Variants in IRAK3 observed in about 807,000 individuals in gnomAD.
IRAK3 encodes interleukin-1 receptor-associated kinase 3.
A neutral mutation model predicts 56.6 loss-of-function variants in IRAK3; 57 were observed. The ratio of observed to expected loss-of-function variants is 1.01; its 90% CI spans 0.81 to 1.26. IRAK3 has a LOEUF of 1.26. Among genes scored for constraint, IRAK3 ranks in the 50% most tolerant of loss-of-function variants. IRAK3 has a pLI of 0.00. For missense variants in IRAK3, 703 were observed against 719.0 expected (o/e 0.98, Z 0.25); for synonymous variants, 258 against 255.7 (o/e 1.01, Z -0.09).
chr12:66,221,831 C>G (rs2052737072), intron 6 of IRAK3, among the ~76,000 whole-genome samples: 1 of 152,120 alleles, frequency 6.6e-6, no homozygotes, highest in Non-Finnish European at 1.5e-5. Flanking sequence ...GAGTTCAAGA[C>G]CAGCCTGGCC....
rs59511601 is a variant in IRAK3 at position 66,204,778 on chromosome 12, G to GCACACACA, written c.316+920_316+927dup. Reference sequence around the variant, plus strand: ...ATATTTAGTGCGCATGAGCCCTTGCGCACACACACACACACACACACACAC... The same window carrying GCACACACA: ...ATATTTAGTGCGCATGAGCCCTTGCGCACACACACACACACACACACACACACACACAC... On this transcript the variant is annotated intron_variant, in intron 2 of 11. Transcript: ENST00000261233. Among the ~76,000 whole-genome samples, 521 of 147,912 alleles carry GCACACACA rather than the reference G, an allele frequency of 3.5e-3. 3 individuals are homozygous for GCACACACA. Among genetic ancestry groups the GCACACACA allele is most frequent in the South Asian group, 5.7e-3 (26 of 4,582 alleles).
At chr12:66,191,611 T>C (rs530509624) in intron 1 of IRAK3, among the ~76,000 whole-genome samples, 1 of 152,278 alleles carries the variant, frequency 6.6e-6, no homozygotes, top group South Asian at 2.1e-4. Context: ...CCTGACCAGG[T>C]GCTGCACAAG....
chr12:66,232,829 T>A (rs2052857544), intron 8 of IRAK3, among the ~76,000 whole-genome samples: 2 of 152,192 alleles, frequency 1.3e-5, no homozygotes, highest in African/African-American at 4.8e-5. Flanking sequence ...GAAAAGGACA[T>A]CTCAAAATCT....
At chr12:66,216,983 T>C (rs2052683021) in intron 5 of IRAK3, among the ~76,000 whole-genome samples, 188 bp from the exon 6 acceptor site, 1 of 152,240 alleles carries the variant, frequency 6.6e-6, no homozygotes, top group African/African-American at 2.4e-5. Flanking sequence ...ACACTGGTTC[T>C]AGATCTCTTT....
Position 66,217,254 on chromosome 12 carries a change from G to T in IRAK3, c.653+19G>T. On this transcript the variant is annotated intron_variant, in intron 6 of 11. Coordinates refer to ENST00000261233, the MANE Select transcript of IRAK3 (RefSeq NM_007199.3). ...TACTACTGTGAGTATGTTTTCTCTG[G>T]AATTTCCTCCTCTTTGTGCCTGGGT... 6.4e-7 allele frequency: 1 copy of T among 1,565,288 alleles called. No individual in the cohort carries two copies. The highest frequency in any genetic ancestry group is 8.8e-7 in the Non-Finnish European group (1 of 1,135,670).
chr12:66,204,016 G>A (rs1280591160), intron 2 of IRAK3, 123 bp downstream of exon 2: 2 of 880,416 alleles, frequency 2.3e-6, no homozygotes, highest in East Asian at 5.2e-5. Flanking sequence ...CCTTACCTGT[G>A]GCTTTTATCT....
intron 6 of IRAK3, among the ~76,000 whole-genome samples, chr12:66,223,001 C>T (rs984797361): frequency 2.7e-5 from 4 of 149,756 alleles, no homozygotes; most frequent in African/African-American, 9.9e-5. Context: ...AGGAAAATTA[C>T]AGTCAAAGGG....
intron 6 of IRAK3, among the ~76,000 whole-genome samples, chr12:66,224,447 T>C: frequency 6.6e-6 from 1 of 152,110 alleles, no homozygotes. Context: ...AATGATAACT[T>C]GGGGGATGAG....
intron 1 of IRAK3, among the ~76,000 whole-genome samples, chr12:66,201,111 C>A (rs1224608979): frequency 6.6e-6 from 1 of 152,208 alleles, no homozygotes; most frequent in African/African-American, 2.4e-5. Flanking sequence ...GCCACCACGC[C>A]TGGACCCAAA....
intron 6 of IRAK3, among the ~76,000 whole-genome samples, chr12:66,222,553 C>A (rs369392856): frequency 2.0e-5 from 3 of 151,262 alleles, no homozygotes; most frequent in Admixed American, 1.3e-4. Flanking sequence ...TTATTTGAGG[C>A]CTCTCAAAAA....
chr12:66,247,986 A>T lies in IRAK3; in HGVS notation c.1606A>T (p.Ser536Cys). 1 of 1,606,534 alleles carries T rather than the reference A, an allele frequency of 6.2e-7. No homozygotes were observed. The highest frequency in any genetic ancestry group is 8.5e-7 in the Non-Finnish European group (1 of 1,177,052). Residue 536 changes from serine to cysteine, a missense_variant, in exon 12 of 12, where the codon AGT (serine) becomes TGT (cysteine). Physicochemically the swap from Ser to Cys is moderately radical, Grantham distance 112. Transcript: ENST00000261233. ...AAATGAGGAAGCTTGCAACATGCCCAGTTCTTCTTGTGAAGAAAGTTGGTT... is the reference window on the plus strand; with the variant it reads ...AAATGAGGAAGCTTGCAACATGCCCTGTTCTTCTTGTGAAGAAAGTTGGTT... ...KRNEEACNMP[S>C]SSCEESWFPK...
At chr12:66,245,393 A>C (rs1208401856) in intron 11 of IRAK3, 131 bp downstream of exon 11, 2 of 966,944 alleles carry the variant, frequency 2.1e-6, no homozygotes, top group Non-Finnish European at 1.6e-6. Flanking sequence ...GAATTCCAAC[A>C]TAATAGTGTT....
rs985259673 is a variant in IRAK3, at chr12:66,254,112, C to T, written c.*5941C>T. ...AGGAGTGAAAATTGGTAGAACCTTT[C>T]TAGAAGGCAATTTGGCAACATGTAT... On this transcript the variant is annotated 3_prime_UTR_variant, in exon 12 of 12. Coordinates refer to ENST00000261233, the MANE Select transcript of IRAK3 (RefSeq NM_007199.3). 6.6e-6 allele frequency: 1 copy of T among 152,068 alleles called. No homozygotes were observed. Among genetic ancestry groups the T allele is most frequent in the Non-Finnish European group, 1.5e-5 (1 of 68,000 alleles). The allele number at this position is 152,068 out of a possible 1,614,324, so 9.4% of individuals were successfully genotyped here. A position where few individuals can be genotyped will look rare whatever the true frequency, so the allele number is the denominator to read the frequency against.
At position 66,212,589 on chromosome 12, in the gene IRAK3, G is replaced by A. The variant is rs148343466; in HGVS notation, c.588+992G>A. 2.2e-3 allele frequency among the ~76,000 whole-genome samples: 342 copies of A among 152,270 alleles called. 2 individuals are homozygous for A. The highest frequency in any genetic ancestry group is 8.1e-3 in the African/African-American group (337 of 41,544). ...CCTCAAGGAGCTCACAGTCTCTCTGGTGAAATAGCCAGGAAAACAAAAGAT... is the reference window on the plus strand; with the variant it reads ...CCTCAAGGAGCTCACAGTCTCTCTGATGAAATAGCCAGGAAAACAAAAGAT... On this transcript the variant is annotated intron_variant, in intron 5 of 11. Transcript: ENST00000261233.
At position 66,244,997 on chromosome 12, in the gene IRAK3, A is replaced by C; in HGVS notation, c.1136A>C (p.Lys379Thr). Residue 379 changes from lysine (K) to threonine (T), a missense_variant, in exon 10 of 12, where the codon AAA becomes ACA. By Grantham distance (78) the Lys-to-Thr change is moderately conservative (BLOSUM62 -1). Transcript: ENST00000261233. ...TGCRVVLDDP[K>T]HIQLRDLLRE... ...TGTAGAGTAGTGTTAGATGATCCAAAACATATCCAGCTGGTAAGAATTGTT... is the reference window on the plus strand; with the variant it reads ...TGTAGAGTAGTGTTAGATGATCCAACACATATCCAGCTGGTAAGAATTGTT... 1.2e-6 allele frequency: 2 copies of C among 1,613,986 alleles called. No homozygotes were observed. Among genetic ancestry groups the C allele is most frequent in the Non-Finnish European group, 1.7e-6 (2 of 1,179,836 alleles).
intron 11 of IRAK3, 96 bp downstream of exon 11, chr12:66,245,358 T>G (rs939126931): frequency 7.7e-7 from 1 of 1,305,772 alleles, no homozygotes; most frequent in East Asian, 2.3e-5. Flanking sequence ...TATTTGTTAA[T>G]GAGACAAATC....
Position 66,236,905 on chromosome 12 carries a change from G to A in IRAK3, c.888-7581G>A, listed in dbSNP as rs531690360. 4.3e-4 allele frequency among the ~76,000 whole-genome samples: 66 copies of A among 152,178 alleles called. 2 individuals are homozygous for A. Among genetic ancestry groups the A allele is most frequent in the Admixed American group, 3.9e-3 (59 of 15,278 alleles). ...CAGCCACCTGCCCACTCTGGAGCAG[G>A]TTTTAGTCAAAGTTCTGAAATGCCT... On this transcript the variant is annotated intron_variant, in intron 8 of 11. Transcript: ENST00000261233.
At chr12:66,215,960 G>T (rs551428589) in intron 5 of IRAK3, among the ~76,000 whole-genome samples, 2 of 152,262 alleles carry the variant, frequency 1.3e-5, no homozygotes, top group African/African-American at 4.8e-5. Flanking sequence ...ATTGTACTAG[G>T]TGTGTTAGAT....
chr12:66,197,130 G>C lies in IRAK3; in HGVS notation c.134-6581G>C, dbSNP rs953259351. On this transcript the variant is annotated intron_variant, in intron 1 of 11. Transcript: ENST00000261233. ...TTCTTAGGTTGACTTTTTGGCTTAT[G>C]TGACTCCAATACGACTTTCAACAAA... is the stretch of plus-strand genomic sequence containing the variant. The C allele has an allele frequency of 5.4e-6, 7 of 1,294,522 alleles. No homozygotes were observed. In the Admixed American group the frequency reaches 2.4e-4, roughly 44 times the overall value. The allele number at this position is 1,294,522 out of a possible 1,614,324, so 80.2% of individuals were successfully genotyped here. A position where few individuals can be genotyped will look rare whatever the true frequency, so the allele number is the denominator to read the frequency against.
Sources: allele counts gnomAD v4.1 joint callset (sites outside exome capture counted in the v4.1 genomes callset), GRCh38; gene constraint gnomAD v4.1.1; transcripts MANE v1.5; gene names NCBI Gene and HGNC (gene_info 2026-07-23, HGNC 2026-07-21).